The following EYA2 variants were observed in gnomAD, a reference collection of about 807,000 sequenced individuals.
EYA2 encodes the protein EYA transcriptional coactivator and phosphatase 2.
Under a neutral mutation model 69.2 loss-of-function variants are expected in EYA2, and 31 were observed. That is an observed-to-expected ratio of 0.45 (90% CI 0.34 to 0.60). The LOEUF is 0.60. Ranked by LOEUF, EYA2 falls within the 20% of genes least tolerant of loss-of-function variation. The pLI is 0.02. For synonymous variants in EYA2, 257 were observed against 279.4 expected, an observed-to-expected ratio of 0.92 and a Z score of 0.80; for missense variants, 622 against 701.2, an observed-to-expected ratio of 0.89 and a Z score of 1.28.
At chr20:47,054,733 G>C (rs920766561) in intron 5 of EYA2, among the ~76,000 whole-genome samples, 2 of 152,214 alleles carry the variant, frequency 1.3e-5, no homozygotes, top group Middle Eastern at 3.4e-3. Context: ...GGACTCACTT[G>C]GGGGACATGC....
intron 8 of EYA2, among the ~76,000 whole-genome samples, chr20:47,089,793 G>C (rs1435115964): frequency 6.6e-6 from 1 of 152,162 alleles, no homozygotes; most frequent in African/African-American, 2.4e-5. Flanking sequence ...CTTCCAGCTG[G>C]GTTAAAGTGG....
intron 1 of EYA2, among the ~76,000 whole-genome samples, chr20:46,900,520 A>T (rs1984048350): frequency 1.3e-5 from 2 of 152,236 alleles, no homozygotes; most frequent in Non-Finnish European, 1.5e-5. Context: ...CAAGAAAGAA[A>T]ATTACAGCAA....
At chr20:47,005,278 G>A (rs1982638575) in intron 4 of EYA2, among the ~76,000 whole-genome samples, 194 bp downstream of exon 4, 1 of 152,216 alleles carries the variant, frequency 6.6e-6, no homozygotes, top group South Asian at 2.1e-4. Context: ...CCCTTTTGAT[G>A]GCAAGAATTG....
chr20:46,985,938 C>T (rs184501562), intron 1 of EYA2, among the ~76,000 whole-genome samples: 94 of 152,274 alleles, frequency 6.2e-4, no homozygotes, highest in Admixed American at 1.6e-3. Context: ...TTCTAATACT[C>T]TCATAGCATC....
intron 2 of EYA2, among the ~76,000 whole-genome samples, chr20:46,998,827 CAG>C (rs1982188913): frequency 6.6e-6 from 1 of 152,160 alleles, no homozygotes; most frequent in African/African-American, 2.4e-5. Flanking sequence ...CAGCAGAAAA[CAG>C]AAAAAAGCCT....
Position 47,136,018 on chromosome 20 carries a change from C to G in EYA2, c.889-7041C>G, listed in dbSNP as rs1029857559. Among the ~76,000 whole-genome samples the G allele has an allele frequency of 6.6e-5, 10 of 150,438 alleles. No individual in the cohort carries two copies. The East Asian group carries it at 1.8e-3, about 27-fold the overall frequency. ...GGTGACATAGGTAGTAGACCTGTCT[C>G]AAAAAAGAAAAGAAAGAAACAGAAA... is the stretch of plus-strand genomic sequence containing the variant. On this transcript the variant is annotated intron_variant, in intron 9 of 15. Coordinates refer to ENST00000327619, the MANE Select transcript of EYA2 (RefSeq NM_005244.5).
intron 6 of EYA2, 35 bp from the exon 7 acceptor site, chr20:47,074,123 T>C (rs1374274830): frequency 6.5e-7 from 1 of 1,540,428 alleles, no homozygotes; most frequent in African/African-American, 1.4e-5. Flanking sequence ...AAAGGCTTCC[T>C]CACATATGTC....
intron 6 of EYA2, among the ~76,000 whole-genome samples, chr20:47,073,484 G>A (rs2031390837): frequency 8.2e-6 from 1 of 122,348 alleles, no homozygotes; most frequent in Admixed American, 8.0e-5. Context: ...CTAGGTTTGT[G>A]TGTGTGTCGT....
chr20:47,084,834 CTTTT>C (rs34290555), intron 7 of EYA2, among the ~76,000 whole-genome samples: 12 of 112,432 alleles, frequency 1.1e-4, no homozygotes, highest in Admixed American at 1.8e-4. Context: ...CTGTTTCTTT[CTTTT>C]TTTTTTTTTT....
chr20:47,186,784 A>T (rs1206651676), intron 15 of EYA2, among the ~76,000 whole-genome samples: 3 of 152,020 alleles, frequency 2.0e-5, no homozygotes, highest in Admixed American at 6.6e-5. Context: ...TTTTATTTAC[A>T]CCTGCCTTAA....
intron 9 of EYA2, among the ~76,000 whole-genome samples, chr20:47,125,012 C>T (rs981697227): frequency 6.7e-6 from 1 of 149,300 alleles, no homozygotes; most frequent in Non-Finnish European, 1.5e-5. Flanking sequence ...TGTGATTCAG[C>T]GATGATGGAA....
At chr20:47,039,132 C>T (rs1984893681) in intron 5 of EYA2, among the ~76,000 whole-genome samples, 1 of 124,754 alleles carries the variant, frequency 8.0e-6, no homozygotes, top group Non-Finnish European at 1.8e-5. Context: ...CACACACACA[C>T]GCGCGCACAA....
At chr20:47,047,160 G>C (rs545891397) in intron 5 of EYA2, among the ~76,000 whole-genome samples, 25 of 152,248 alleles carry the variant, frequency 1.6e-4, no homozygotes, top group South Asian at 1.5e-3. Flanking sequence ...AAGGTCGGGG[G>C]CTGTGTCTTA....
At chr20:46,950,487 C>T (rs1031321327) in intron 1 of EYA2, among the ~76,000 whole-genome samples, 1 of 152,170 alleles carries the variant, frequency 6.6e-6, no homozygotes, top group Admixed American at 6.5e-5. Flanking sequence ...TGAGGAGTCA[C>T]TCTGCAGCAT....
At chr20:47,146,778 T>C (rs1342314126) in intron 10 of EYA2, among the ~76,000 whole-genome samples, 1 of 152,072 alleles carries the variant, frequency 6.6e-6, no homozygotes, top group Non-Finnish European at 1.5e-5. Context: ...TGTAAGGGAG[T>C]TCCTTCCCGC....
chr20:47,136,407 T>C (rs553705639), intron 9 of EYA2, among the ~76,000 whole-genome samples: 1 of 152,308 alleles, frequency 6.6e-6, no homozygotes, highest in African/African-American at 2.4e-5. Flanking sequence ...CCCAAGATAG[T>C]GATCCACGAG....
At chr20:46,949,933 C>T (rs976674714) in intron 1 of EYA2, among the ~76,000 whole-genome samples, 3 of 152,156 alleles carry the variant, frequency 2.0e-5, no homozygotes, top group Admixed American at 1.3e-4. Context: ...CATTTTGCAT[C>T]TATGATGCAC....
chr20:46,987,872 A>G, intron 1 of EYA2, among the ~76,000 whole-genome samples: 1 of 144,986 alleles, frequency 6.9e-6, no homozygotes, highest in South Asian at 2.3e-4. Context: ...GGTTGCAGTG[A>G]GCCAAGATTG....
chr20:47,091,681 G>T (rs2032090376), intron 8 of EYA2, among the ~76,000 whole-genome samples: 1 of 151,840 alleles, frequency 6.6e-6, no homozygotes, highest in Non-Finnish European at 1.5e-5. Context: ...GGAGGTAGAG[G>T]CTGCGTTGAG....
Sources: gnomAD v4.1 joint callset for allele counts (sites outside exome capture counted in the v4.1 genomes callset) on GRCh38, gnomAD v4.1.1 for gene constraint, MANE v1.5 for transcripts, NCBI Gene and HGNC (gene_info 2026-07-23, HGNC 2026-07-21) for gene names.